The following POTEE variants were observed in gnomAD, a reference collection of about 807,000 sequenced individuals.
POTEE encodes the protein POTE ankyrin domain family member E.
POTEE carries 21 observed loss-of-function variants against 74.2 expected under a neutral mutation model. The ratio of observed to expected loss-of-function variants is 0.28; its 90% confidence interval spans 0.20 to 0.41. The LOEUF (loss-of-function observed/expected upper bound fraction) is 0.41, where lower values mean the gene tolerates loss of function less well. Among genes scored for constraint, POTEE ranks in the 10% least tolerant of loss-of-function variants. The pLI is 1.00. For synonymous variants in POTEE, 211 were observed against 432.8 expected (o/e 0.49, Z 6.36); for missense variants, 525 against 1,158.6 (o/e 0.45, Z 7.94).
chr2:131,263,145 TTAAA>T (rs1701766041), intron 17 of POTEE, among the ~76,000 whole-genome samples: 1 of 149,452 alleles, frequency 6.7e-6, no homozygotes, highest in Non-Finnish European at 1.5e-5. Context: ...TCCTAAAAGT[TTAAA>T]TATTTATTTA....
At chr2:131,230,699 A>G (rs917713158) in intron 8 of POTEE, 137 bp from the exon 9 acceptor site, 4 of 773,746 alleles carry the variant, frequency 5.2e-6, no homozygotes, top group Non-Finnish European at 8.3e-6. Flanking sequence ...GAATGTATTC[A>G]TAAGTGGATG....
Position 131,209,743 on chromosome 2 carries a change from G to A in POTEE, c.-421G>A, listed in dbSNP as rs1474713655. On this transcript the variant is annotated 5_prime_UTR_variant, in exon 1 of 18. Transcript: ENST00000683005. ...GCTGGAGGCTGGAGCCTGAGCCCCT[G>A]GGGCTCGCCTTGCTGTGTTTGGTGG... Among the ~76,000 whole-genome samples the A allele has an allele frequency of 2.5e-4, 38 of 152,374 alleles. No homozygotes were observed. The East Asian group carries it at 2.9e-3, about 12-fold the overall frequency.
chr2:131,224,340 C>G (rs1462164697), intron 6 of POTEE, among the ~76,000 whole-genome samples: 1 of 144,982 alleles, frequency 6.9e-6, no homozygotes, highest in African/African-American at 2.6e-5. Flanking sequence ...TGTTTTTTCC[C>G]TATTGAATGT....
At chr2:131,235,258 G>A (rs1035383562) in intron 9 of POTEE, among the ~76,000 whole-genome samples, 17 of 151,734 alleles carry the variant, frequency 1.1e-4, no homozygotes, top group African/African-American at 3.6e-4. Context: ...TGCCTAGCAT[G>A]TATTTAGCAG....
chr2:131,233,229 T>C lies in POTEE; in HGVS notation c.1126+2323T>C, dbSNP rs374245198. Among the ~76,000 whole-genome samples, 40 of 152,150 alleles carry C rather than the reference T, an allele frequency of 2.6e-4. 4 individuals carry two copies. The highest frequency in any genetic ancestry group is 1.9e-3 in the South Asian group (9 of 4,820). On this transcript the variant is annotated intron_variant, in intron 9 of 17. Coordinates refer to ENST00000683005, the MANE Select transcript of POTEE (RefSeq NM_001083538.3). ...CGGGTTAGCAAGCTTTTTCTGTAAATGGCCAGTTGGGCAATATTTTAGACT... is the reference window on the plus strand; with the variant it reads ...CGGGTTAGCAAGCTTTTTCTGTAAACGGCCAGTTGGGCAATATTTTAGACT...
chr2:131,228,286 A>T lies in POTEE; in HGVS notation c.960A>T (p.Ile320=), dbSNP rs1331529152. ...CTGTATGTTGTGGATCAGCAAGTAT[A>T]GTCAGCCTTCTACTTGAGCAAAATA... The part of the protein sequence containing the change: ...ILAVCCGSAS[I]VSLLLEQNID... The change falls in exon 8 of 18, where the codon ATA becomes ATT. Residue 320 remains isoleucine (I), a synonymous_variant. Coordinates refer to ENST00000683005, the MANE Select transcript of POTEE (RefSeq NM_001083538.3). 2 of 1,611,610 alleles carry T rather than the reference A, an allele frequency of 1.2e-6. No individual in the cohort carries two copies. Among genetic ancestry groups the T allele is most frequent in the African/African-American group, 1.3e-5 (1 of 74,756 alleles).
chr2:131,261,161 T>TC (rs1701695443), intron 16 of POTEE, among the ~76,000 whole-genome samples: 1 of 149,064 alleles, frequency 6.7e-6, no homozygotes, highest in Admixed American at 6.7e-5. Flanking sequence ...CAAGTGAAGC[T>TC]CCATCTGTTT....
chr2:131,229,914 T>C (rs999447638), intron 8 of POTEE, among the ~76,000 whole-genome samples: 2 of 152,194 alleles, frequency 1.3e-5, no homozygotes, highest in Admixed American at 6.5e-5. Context: ...TGTCGAAAAT[T>C]ACAGAATGTC....
intron 2 of POTEE, among the ~76,000 whole-genome samples, chr2:131,215,839 A>G (rs1460782741): frequency 7.4e-5 from 10 of 135,988 alleles, no homozygotes; most frequent in Non-Finnish European, 7.8e-5. Flanking sequence ...TTTGATGTCA[A>G]ATTACAAATG....
At chr2:131,217,834 C>T (rs572677906) in intron 3 of POTEE, among the ~76,000 whole-genome samples, 151 bp downstream of exon 3, 3,454 of 150,310 alleles carry the variant, frequency 0.023, 81 homozygotes, top group Non-Finnish European at 0.035. Context: ...TGCACGCGCA[C>T]GCCGCACGCG....
intron 3 of POTEE, among the ~76,000 whole-genome samples, chr2:131,217,907 G>GCTGGC (rs1700486359): frequency 6.7e-6 from 1 of 149,092 alleles, no homozygotes; most frequent in South Asian, 2.1e-4. Context: ...TAACGGCTTG[G>GCTGGC]CTGGCCTGTA....
intron 11 of POTEE, 56 bp downstream of exon 11, chr2:131,238,294 T>TAAC: frequency 1.3e-6 from 2 of 1,489,606 alleles, no homozygotes; most frequent in Non-Finnish European, 1.8e-6. Flanking sequence ...TTATGTTGTT[T>TAAC]AACAAAATGT....
chr2:131,227,864 G>A (rs1203723530), intron 7 of POTEE, among the ~76,000 whole-genome samples: 1 of 148,160 alleles, frequency 6.7e-6, no homozygotes, highest in Non-Finnish European at 1.5e-5. Flanking sequence ...AGCATGCAGA[G>A]AGCTCTTATT....
At chr2:131,229,010 C>T (rs1470863000) in intron 8 of POTEE, among the ~76,000 whole-genome samples, 1 of 149,746 alleles carries the variant, frequency 6.7e-6, no homozygotes, top group Admixed American at 6.6e-5. Flanking sequence ...ATTCCCATAC[C>T]TATGCTTATA....
intron 2 of POTEE, among the ~76,000 whole-genome samples, chr2:131,213,008 TGTA>T (rs1400318794): frequency 2.7e-5 from 4 of 150,924 alleles, no homozygotes; most frequent in Non-Finnish European, 1.5e-5. Context: ...TCCCCCAGGC[TGTA>T]GTACGATGGC....
chr2:131,220,520 A>G (rs1436075333), intron 4 of POTEE, among the ~76,000 whole-genome samples: 1 of 152,176 alleles, frequency 6.6e-6, no homozygotes, highest in Non-Finnish European at 1.5e-5. Context: ...TGCAGACATA[A>G]TAAAATAAGC....
At chr2:131,231,943 A>T (rs1700975373) in intron 9 of POTEE, among the ~76,000 whole-genome samples, 1 of 152,146 alleles carries the variant, frequency 6.6e-6, no homozygotes, top group South Asian at 2.1e-4. Context: ...ACAAAGATGG[A>T]ATAGATGTAG....
Position 131,264,882 on chromosome 2 carries a change from C to T in POTEE, c.*199C>T. ...GGAGGAAGCTTCCTCCAAAGTTCTA[C>T]AATGTTGCCAAGGACTTTGATTGTA... On this transcript the variant is annotated 3_prime_UTR_variant, in exon 18 of 18. Coordinates refer to ENST00000683005, the MANE Select transcript of POTEE (RefSeq NM_001083538.3). 9.6e-7 allele frequency: 1 copy of T among 1,044,710 alleles called. No individual in the cohort carries two copies. Among genetic ancestry groups the T allele is most frequent in the South Asian group, 1.6e-5 (1 of 60,638 alleles). 64.7% of individuals were successfully genotyped at this position (1,044,710 alleles called of 1,614,324 possible). A position where few individuals can be genotyped will look rare whatever the true frequency, so the allele number is the denominator to read the frequency against.
At chr2:131,233,495 C>T (rs1385498365) in intron 9 of POTEE, among the ~76,000 whole-genome samples, 1 of 151,838 alleles carries the variant, frequency 6.6e-6, no homozygotes, top group Admixed American at 6.6e-5. Context: ...GTTATAGTTT[C>T]CTTGTCATAC....
Sources: allele counts gnomAD v4.1 joint callset (sites outside exome capture counted in the v4.1 genomes callset), GRCh38; gene constraint gnomAD v4.1.1; transcripts MANE v1.5; gene names NCBI Gene and HGNC (gene_info 2026-07-23, HGNC 2026-07-21).